Variants in AFF2 observed in about 807,000 individuals in gnomAD.
AFF2 encodes the protein AF4/FMR2 family member 2.
In AFF2, 14 loss-of-function variants were observed where a neutral mutation model predicts 76.9. The observed-to-expected ratio is 0.18, with a 90% CI of 0.12 to 0.28. The LOEUF (loss-of-function observed/expected upper bound fraction) is 0.28. Ranked by LOEUF, AFF2 falls within the 10% of genes least tolerant of loss-of-function variation. The pLI is 1.00. For missense variants in AFF2, 868 were observed against 1,001.1 expected (o/e 0.87, Z 1.79); for synonymous variants, 398 against 366.7 (o/e 1.09, Z -0.98).
intron 20 of AFF2, among the ~76,000 whole-genome samples, chrX:148,990,184 A>G (rs781965945): frequency 3.9e-4 from 44 of 112,500 alleles, no homozygotes; most frequent in African/African-American, 1.3e-3. Context: ...CCCATATGTT[A>G]TATATAACAT....
intron 1 of AFF2, among the ~76,000 whole-genome samples, chrX:148,610,810 A>C (rs947054935): frequency 9.0e-6 from 1 of 111,525 alleles, no homozygotes; most frequent in African/African-American, 3.3e-5. Context: ...AGCCTTTCCA[A>C]AGACTGCTGT....
At chrX:148,551,102 G>A (rs1237898049) in intron 1 of AFF2, among the ~76,000 whole-genome samples, 3 of 110,462 alleles carry the variant, frequency 2.7e-5, no homozygotes, top group Non-Finnish European at 3.8e-5. Flanking sequence ...TTAAACAAGT[G>A]TTTCTTTAGT....
chrX:148,556,753 A>G (rs1184153477), intron 1 of AFF2, among the ~76,000 whole-genome samples: 4 of 112,302 alleles, frequency 3.6e-5, no homozygotes, highest in African/African-American at 1.3e-4. Context: ...ATGTCTGTCC[A>G]GAACTTACCT....
intron 1 of AFF2, among the ~76,000 whole-genome samples, chrX:148,555,324 G>C (rs2053040989): frequency 8.9e-6 from 1 of 112,155 alleles, no homozygotes; most frequent in Non-Finnish European, 1.9e-5. Flanking sequence ...GCTGCGAGAG[G>C]ATTATGGTCT....
chrX:148,766,014 T>A (rs1426992404), intron 3 of AFF2, among the ~76,000 whole-genome samples: 1 of 110,338 alleles, frequency 9.1e-6, no homozygotes, highest in Non-Finnish European at 1.9e-5. Flanking sequence ...TTCATCCATG[T>A]CTCTACAAAG....
intron 7 of AFF2, among the ~76,000 whole-genome samples, chrX:148,857,567 A>C (rs1240147578): frequency 8.9e-6 from 1 of 111,831 alleles, no homozygotes; most frequent in Non-Finnish European, 1.9e-5. Context: ...TTTCATACTC[A>C]TTGTGTTTGC....
At position 149,000,470 on chromosome X, in the gene AFF2, T is replaced by C. The variant is rs41304956; in HGVS notation, c.*9138T>C. 3.5e-5 allele frequency: 4 copies of C among 113,144 alleles called. No homozygotes were observed. Among genetic ancestry groups the C allele is most frequent in the Non-Finnish European group, 7.5e-5 (4 of 53,382 alleles). The allele number at this position is 113,144 out of a possible 1,213,427, so 9.3% of individuals were successfully genotyped here. On this transcript the variant is annotated 3_prime_UTR_variant, in exon 21 of 21. Transcript: ENST00000370460. ...AATGTGTGGCGCACAAGCGTTTTGT[T>C]GGTGCTTTGTTCTCAGTACAGTAAC...
At chrX:148,855,510 G>A (rs2070777601) in intron 7 of AFF2, among the ~76,000 whole-genome samples, 1 of 112,249 alleles carries the variant, frequency 8.9e-6, no homozygotes, top group Admixed American at 9.4e-5. Context: ...ATTCTTGAGT[G>A]TAAAGTGAAA....
At chrX:148,969,596 A>G (rs1432867106) in intron 15 of AFF2, among the ~76,000 whole-genome samples, 1 of 112,280 alleles carries the variant, frequency 8.9e-6, no homozygotes, top group Non-Finnish European at 1.9e-5. Flanking sequence ...GAGTTGTTAT[A>G]CTGAATTGTT....
chrX:148,698,115 A>G (rs1045348604), intron 3 of AFF2, among the ~76,000 whole-genome samples: 3 of 112,233 alleles, frequency 2.7e-5, no homozygotes, highest in African/African-American at 9.7e-5. Flanking sequence ...GTCATAGTAC[A>G]GTGGATTTGT....
At chrX:148,625,114 T>C (rs1373647465) in intron 1 of AFF2, among the ~76,000 whole-genome samples, 1 of 111,009 alleles carries the variant, frequency 9.0e-6, no homozygotes, top group African/African-American at 3.3e-5. Flanking sequence ...TGACTTCATC[T>C]TAATAATTTG....
intron 4 of AFF2, among the ~76,000 whole-genome samples, chrX:148,826,642 CCTT>C (rs1557272969): frequency 8.9e-6 from 1 of 111,894 alleles, no homozygotes; most frequent in African/African-American, 3.3e-5. Context: ...AGAAAGTTCT[CCTT>C]CTTCATCAGT....
intron 7 of AFF2, among the ~76,000 whole-genome samples, chrX:148,861,457 A>C (rs2070847251): frequency 1.8e-5 from 2 of 112,301 alleles, no homozygotes; most frequent in Admixed American, 1.9e-4. Flanking sequence ...ATATGATCCA[A>C]CATATTTGGG....
At chrX:148,849,387 G>A (rs1223034592) in intron 7 of AFF2, among the ~76,000 whole-genome samples, 16 of 5,329 alleles carry the variant, frequency 3.0e-3, no homozygotes, top group African/African-American at 7.8e-3. Flanking sequence ...CCCCCCCCCC[G>A]CTGACCACCC....
intron 3 of AFF2, among the ~76,000 whole-genome samples, chrX:148,675,045 G>A (rs1557259370): frequency 8.9e-6 from 1 of 111,952 alleles, no homozygotes; most frequent in Non-Finnish European, 1.9e-5. Flanking sequence ...GCATGTGTTA[G>A]GTGTCCATGT....
intron 1 of AFF2, among the ~76,000 whole-genome samples, chrX:148,546,080 T>TA (rs782767819): frequency 8.9e-6 from 1 of 112,222 alleles, no homozygotes; most frequent in Non-Finnish European, 1.9e-5. Flanking sequence ...TTGCTGTACA[T>TA]AAAAAATGAC....
chrX:148,746,334 A>G (rs1557266074), intron 3 of AFF2, among the ~76,000 whole-genome samples: 1 of 111,969 alleles, frequency 8.9e-6, no homozygotes, highest in African/African-American at 3.2e-5. Context: ...CTACAGCCTA[A>G]CCTTTTCTCT....
chrX:148,632,174 T>A lies in AFF2; in HGVS notation c.48-19825T>A, dbSNP rs148773336. Among the ~76,000 whole-genome samples, 237 of 112,297 alleles carry A rather than the reference T, an allele frequency of 2.1e-3. 2 individuals are homozygous for A. Among genetic ancestry groups the A allele is most frequent in the African/African-American group, 7.1e-3 (221 of 30,931 alleles). On this transcript the variant is annotated intron_variant, in intron 1 of 20. Coordinates refer to ENST00000370460, the MANE Select transcript of AFF2 (RefSeq NM_002025.4). ...TGCTTAAACAGAATTTCATTAAAAT[T>A]TCTTTGACGTTAAGCCAAATTTTGA... is the stretch of plus-strand genomic sequence containing the variant.
chrX:148,886,215 C>A (rs1442281), intron 8 of AFF2, among the ~76,000 whole-genome samples: 4,770 of 111,014 alleles, frequency 0.043, 86 homozygotes, highest in South Asian at 0.087. Flanking sequence ...GCTTTCAACC[C>A]CCTCCCATCT....
Sources: gnomAD v4.1 joint callset for allele counts (sites outside exome capture counted in the v4.1 genomes callset) on GRCh38, gnomAD v4.1.1 for gene constraint, MANE v1.5 for transcripts, NCBI Gene and HGNC (gene_info 2026-07-23, HGNC 2026-07-21) for gene names.